Variants in KCNT1 observed in about 807,000 individuals in gnomAD.
KCNT1 encodes the protein potassium sodium-activated channel subfamily T member 1.
In KCNT1, 78 loss-of-function variants were observed where a neutral mutation model predicts 147.8. That is an observed-to-expected ratio of 0.53 (90% CI 0.44 to 0.64). The LOEUF is 0.64. KCNT1 is among the 30% of genes least tolerant of loss of function. The probability of loss-of-function intolerance (pLI) is 0.00; values close to 1 mark genes in which losing one functional copy is unlikely to be tolerated. For synonymous variants in KCNT1, 867 were observed against 748.8 expected, an observed-to-expected ratio of 1.16 and a Z score of -2.58; for missense variants, 1,419 against 1,750.3, an observed-to-expected ratio of 0.81 and a Z score of 3.38.
At position 135,786,170 on chromosome 9, in the gene KCNT1, C is replaced by T. The variant is rs760164489; in HGVS notation, c.3178-27C>T. ...CCCTCCCGGCAGCCTCACCCCTCCC[C>T]GCCCTGCCCTGCCCTGCCCTGCCCA... On this transcript the variant is annotated intron_variant, in intron 28 of 30. Coordinates refer to ENST00000371757, the MANE Select transcript of KCNT1 (RefSeq NM_020822.3). 7.4e-5 allele frequency: 115 copies of T among 1,548,154 alleles called. 1 individual carries two copies. The highest frequency in any genetic ancestry group is 1.7e-4 in the Middle Eastern group (1 of 5,912).
At chr9:135,738,602 G>T (rs868640450) in intron 2 of KCNT1, among the ~76,000 whole-genome samples, 5 of 152,152 alleles carry the variant, frequency 3.3e-5, no homozygotes, top group Non-Finnish European at 7.4e-5. Context: ...CTCAGACTCT[G>T]CCCGTCTCAT....
In KCNT1 at chr9:135,778,764, G is replaced by C; in HGVS notation, c.2671G>C (p.Ala891Pro). Residue 891 changes from alanine (A) to proline (P), a missense_variant, in exon 23 of 31, where the codon GCC becomes CCC. Around this residue, in one of 5 missense-constraint regions of KCNT1, gnomAD observed 247 missense variants for 397.1 expected, o/e 0.62. Transcript: ENST00000371757. ...GGTGGACAAGGAGAGCACCATGAGCGCCGAGGAGGACTACATGGCGGACGC... is the reference window on the plus strand; with the variant it reads ...GGTGGACAAGGAGAGCACCATGAGCCCCGAGGAGGACTACATGGCGGACGC... ...VVVDKESTMS[A>P]EEDYMADAKT... is the part of the protein sequence containing the mutation. 6.2e-7 allele frequency: 1 copy of C among 1,613,888 alleles called. No homozygotes were observed.
chr9:135,746,594 G>T (rs953517664), intron 2 of KCNT1, among the ~76,000 whole-genome samples: 1 of 152,214 alleles, frequency 6.6e-6, no homozygotes, highest in African/African-American at 2.4e-5. Context: ...TTGGCTTCGT[G>T]GTCTTGCCAG....
intron 20 of KCNT1, among the ~76,000 whole-genome samples, chr9:135,775,644 C>G (rs1005068021): frequency 1.3e-5 from 2 of 152,236 alleles, no homozygotes; most frequent in African/African-American, 4.8e-5. Flanking sequence ...ATGTTAGAGG[C>G]ACCTGTTTTC....
Position 135,730,139 on chromosome 9 carries a change from C to A in KCNT1, c.254+15419C>A, listed in dbSNP as rs139977775. Reference sequence around the variant, plus strand: ...ATATAATTCCTGCTGGAAACACCCTCGACCCTTTCTCTTTAATGACAGATT... The same window carrying A: ...ATATAATTCCTGCTGGAAACACCCTAGACCCTTTCTCTTTAATGACAGATT... On this transcript the variant is annotated intron_variant, in intron 2 of 30. Coordinates refer to ENST00000371757, the MANE Select transcript of KCNT1 (RefSeq NM_020822.3). This position sits in a 1 kb window ranked among gnomAD's most constrained non-coding sequence, Gnocchi z 4.7. Among the ~76,000 whole-genome samples, 7 of 152,306 alleles carry A rather than the reference C, an allele frequency of 4.6e-5. No individual in the cohort carries two copies. Among genetic ancestry groups the A allele is most frequent in the Middle Eastern group, 3.4e-3 (1 of 294 alleles).
intron 2 of KCNT1, among the ~76,000 whole-genome samples, chr9:135,732,282 G>T (rs1449837823): frequency 2.6e-5 from 4 of 152,002 alleles, no homozygotes; most frequent in Non-Finnish European, 5.9e-5. Context: ...GCCTCCCAAA[G>T]TGCTGGGATT....
intron 11 of KCNT1, among the ~76,000 whole-genome samples, chr9:135,763,744 C>T (rs936577121): frequency 2.0e-5 from 3 of 152,182 alleles, no homozygotes; most frequent in Admixed American, 6.5e-5. Flanking sequence ...TCTGCAGAGA[C>T]CTATTTCCAA....
intron 10 of KCNT1, 112 bp from the exon 11 acceptor site, chr9:135,759,567 C>T: frequency 8.3e-7 from 1 of 1,198,854 alleles, no homozygotes; most frequent in Non-Finnish European, 1.1e-6. Context: ...CCTGGTGATG[C>T]ACAGCTCAGT....
At position 135,770,999 on chromosome 9, in the gene KCNT1, A is replaced by G. The variant is rs1832717620; in HGVS notation, c.1912A>G (p.Lys638Glu). The change falls in exon 18 of 31, where the codon AAG (lysine) becomes GAG (glutamate). Residue 638 changes from lysine (K) to glutamate (E), a missense_variant. Lys to Glu is a moderately conservative substitution (Grantham distance 56). Coordinates refer to ENST00000371757, the MANE Select transcript of KCNT1 (RefSeq NM_020822.3). ...TKEENSAFIF[K>E]QEEKRKKRAF... ...GGAGGAGAACTCGGCCTTCATCTTC[A>G]AGCAGGAGGAGAAGCGGAAGAAGAG... 4.3e-6 allele frequency: 7 copies of G among 1,613,876 alleles called. No individual in the cohort carries two copies. The highest frequency in any genetic ancestry group is 2.2e-5 in the East Asian group (1 of 44,860).
intron 2 of KCNT1, among the ~76,000 whole-genome samples, chr9:135,724,273 C>T (rs1008924291): frequency 1.2e-4 from 18 of 152,236 alleles, no homozygotes; most frequent in African/African-American, 4.3e-4. Context: ...GCTCAGGGGG[C>T]ACCATCTGCA....
chr9:135,785,885 C>T (rs1387213638), intron 28 of KCNT1: 2 of 485,784 alleles, frequency 4.1e-6, no homozygotes, highest in Middle Eastern at 5.4e-4. Context: ...CCAGGCCGGA[C>T]CCACAGAAAT....
intron 11 of KCNT1, among the ~76,000 whole-genome samples, chr9:135,761,715 G>A (rs963536671): frequency 1.3e-5 from 2 of 152,198 alleles, no homozygotes; most frequent in African/African-American, 2.4e-5. Context: ...CTGCAGAGGC[G>A]TTGACCCATC....
At chr9:135,744,340 G>A (rs1160907728) in intron 2 of KCNT1, among the ~76,000 whole-genome samples, 1 of 152,238 alleles carries the variant, frequency 6.6e-6, no homozygotes, top group Non-Finnish European at 1.5e-5. Flanking sequence ...GTGTGGGGGT[G>A]GGCACCATGA....
chr9:135,768,490 C>T (rs982157019), intron 13 of KCNT1, 120 bp from the exon 14 acceptor site: 1 of 698,704 alleles, frequency 1.4e-6, no homozygotes, highest in East Asian at 2.7e-5. Context: ...CAGTCTCTTT[C>T]TGTGCACCTG....
At chr9:135,724,745 T>C (rs752477405) in intron 2 of KCNT1, among the ~76,000 whole-genome samples, 17 of 152,350 alleles carry the variant, frequency 1.1e-4, no homozygotes, top group Non-Finnish European at 1.9e-4. Flanking sequence ...ATGTATTTCA[T>C]TGGGATCCCT....
intron 2 of KCNT1, among the ~76,000 whole-genome samples, chr9:135,749,608 G>T (rs1440133626): frequency 1.3e-5 from 2 of 152,242 alleles, no homozygotes; most frequent in Admixed American, 1.3e-4. Context: ...TAGCCTTGGA[G>T]CACAGCCACC....
intron 2 of KCNT1, among the ~76,000 whole-genome samples, chr9:135,723,573 G>A (rs1351961616): frequency 6.6e-6 from 1 of 152,226 alleles, no homozygotes; most frequent in African/African-American, 2.4e-5. Context: ...CCACGCGTCT[G>A]CTGCATGGCC....
At chr9:135,785,923 C>T (rs918182432) in intron 28 of KCNT1, 7 of 543,314 alleles carry the variant, frequency 1.3e-5, no homozygotes, top group African/African-American at 5.8e-5. Context: ...AAGGGAGCTG[C>T]CCTCAGCAGC....
intron 11 of KCNT1, 23 bp downstream of exon 11, chr9:135,759,882 C>T: frequency 6.4e-7 from 1 of 1,571,366 alleles, no homozygotes; most frequent in Non-Finnish European, 8.6e-7. Flanking sequence ...GGCACCAGCC[C>T]TGGGTGGCAC....
Sources: allele counts gnomAD v4.1 joint callset (sites outside exome capture counted in the v4.1 genomes callset), GRCh38; gene constraint gnomAD v4.1.1; regional missense constraint gnomAD v4.1.1; non-coding constraint Gnocchi (gnomAD v3.1); transcripts MANE v1.5; gene names NCBI Gene and HGNC (gene_info 2026-07-23, HGNC 2026-07-21).